Variants in KASH5 observed in about 807,000 individuals in gnomAD.
The protein encoded by KASH5 is KASH domain containing 5, also known as protein KASH5.
A neutral mutation model predicts 84.2 loss-of-function variants in KASH5; 72 were observed. That is an observed-to-expected ratio of 0.85 (90% confidence interval 0.71 to 1.04). KASH5 has a LOEUF of 1.04. Ranked by LOEUF, KASH5 falls within the 50% of genes least tolerant of loss-of-function variation. KASH5 has a pLI of 0.00. For synonymous variants in KASH5, 260 were observed against 279.1 expected, an observed-to-expected ratio of 0.93 and a Z score of 0.68; for missense variants, 650 against 701.0, an observed-to-expected ratio of 0.93 and a Z score of 0.82.
Position 49,414,188 on chromosome 19 carries a change from C to T in KASH5, c.1329-763C>T, listed in dbSNP as rs1600956777. On this transcript the variant is annotated intron_variant, in intron 16 of 19. Transcript: ENST00000447857. This position sits in a 1 kb window ranked among gnomAD's most constrained non-coding sequence, Gnocchi z 4.5. ...CCAGATCTCCTCCTAGACCGAGACT[C>T]GCTGAGGGAAGGGTCAGGTCTCATC... is the stretch of plus-strand genomic sequence containing the variant. 1.3e-5 allele frequency among the ~76,000 whole-genome samples: 2 copies of T among 152,112 alleles called. No individual in the cohort carries two copies. The highest frequency in any genetic ancestry group is 1.9e-4 in the East Asian group (1 of 5,180).
chr19:49,398,272 C>T (rs1419456523), intron 7 of KASH5, 129 bp downstream of exon 7: 12 of 785,270 alleles, frequency 1.5e-5, no homozygotes, highest in South Asian at 4.2e-5. Flanking sequence ...TTTCTTTTCC[C>T]TTTTCTGTTT....
At chr19:49,409,435 C>T (rs555016386) in intron 14 of KASH5, among the ~76,000 whole-genome samples, 152 bp downstream of exon 14, 172 of 152,316 alleles carry the variant, frequency 1.1e-3, no homozygotes, top group African/African-American at 4.0e-3. Flanking sequence ...CTCTCTCTAC[C>T]TCGGATCCTA....
At position 49,395,817 on chromosome 19, in the gene KASH5, C is replaced by A; in HGVS notation, c.384C>A (p.Ser128=). ...CCGCCTTCCAGGGAGCCCTGACCTC[C>A]CGGCAACTGCCATCTGGTGAGATTG... ...EETAFQGALT[S]RQLPSGCPEA... is the part of the protein sequence containing the mutation. The change falls in exon 5 of 20, where the codon TCC becomes TCA. Residue 128 remains serine (S), a synonymous_variant. Coordinates refer to ENST00000447857, the MANE Select transcript of KASH5 (RefSeq NM_144688.5). This position sits in a 1 kb window ranked among gnomAD's most constrained non-coding sequence, Gnocchi z 4.4. 6.4e-7 allele frequency: 1 copy of A among 1,564,074 alleles called. No individual in the cohort carries two copies. The highest frequency in any genetic ancestry group is 8.7e-7 in the Non-Finnish European group (1 of 1,154,182).
At chr19:49,407,446 C>A in intron 11 of KASH5, 150 bp downstream of exon 11, 1 of 1,102,912 alleles carries the variant, frequency 9.1e-7, no homozygotes, top group Non-Finnish European at 1.3e-6. Context: ...CAAGTGTGAC[C>A]CCTCAGGGAT....
At chr19:49,397,315 C>T (rs940183330) in intron 5 of KASH5, among the ~76,000 whole-genome samples, 2 of 152,016 alleles carry the variant, frequency 1.3e-5, no homozygotes, top group African/African-American at 4.8e-5. Context: ...AGTCTGGGCT[C>T]TGCTGGACTG....
chr19:49,394,336 T>C, intron 2 of KASH5, 140 bp from the exon 3 acceptor site: 1 of 623,964 alleles, frequency 1.6e-6, no homozygotes, highest in South Asian at 1.9e-5. Flanking sequence ...AGCTTCCTGC[T>C]GTTCCCCACC....
At position 49,395,735 on chromosome 19, in the gene KASH5, C is replaced by T. The variant is rs369442284; in HGVS notation, c.336-34C>T. ...GCTGGTGAGGACTGAGGGGCAGCTACAGTGGGGCGCTAAGCCTCATCCCTT... is the reference window on the plus strand; with the variant it reads ...GCTGGTGAGGACTGAGGGGCAGCTATAGTGGGGCGCTAAGCCTCATCCCTT... On this transcript the variant is annotated intron_variant, in intron 4 of 19. Transcript: ENST00000447857. The surrounding 1 kb of genome is among the most constrained non-coding windows in gnomAD (Gnocchi z 4.4). 2.6e-6 allele frequency: 4 copies of T among 1,547,722 alleles called. No individual in the cohort carries two copies. In the African/African-American group the frequency reaches 4.1e-5, roughly 16 times the overall value.
At position 49,395,357 on chromosome 19, in the gene KASH5, T is replaced by TA. The variant is rs1974141022; in HGVS notation, c.335+66dup. 1 of 1,532,474 alleles carries TA rather than the reference T, an allele frequency of 6.5e-7. No individual in the cohort carries two copies. The highest frequency in any genetic ancestry group is 1.4e-5 in the African/African-American group (1 of 71,978). 94.9% of individuals were successfully genotyped at this position (1,532,474 alleles called of 1,614,324 possible). A position where few individuals can be genotyped will look rare whatever the true frequency, so the allele number is the denominator to read the frequency against. ...CCTAAGATCTAACCTCATACCTGCT[T>TA]ACTGGAGCCAGCATCCTTTAGGCCC... is the stretch of plus-strand genomic sequence containing the variant. On this transcript the variant is annotated intron_variant, in intron 4 of 19. Coordinates refer to ENST00000447857, the MANE Select transcript of KASH5 (RefSeq NM_144688.5). The surrounding 1 kb of genome is among the most constrained non-coding windows in gnomAD (Gnocchi z 4.4).
At chr19:49,407,425 TC>T in intron 11 of KASH5, 129 bp downstream of exon 11, 4 of 1,162,354 alleles carry the variant, frequency 3.4e-6, no homozygotes, top group Non-Finnish European at 3.7e-6. Context: ...CTGGAGGGTT[TC>T]CCCAGGTCCC....
intron 5 of KASH5, among the ~76,000 whole-genome samples, chr19:49,397,080 G>A (rs58052461): frequency 0.2 from 30,681 of 151,534 alleles, 3,468 homozygotes; most frequent in Non-Finnish European, 0.25. Flanking sequence ...AAAAATGGTG[G>A]TCATGTTCCA....
At chr19:49,407,754 G>A (rs920387022) in intron 12 of KASH5, 83 bp downstream of exon 12, 14 of 1,385,242 alleles carry the variant, frequency 1.0e-5, no homozygotes, top group East Asian at 5.0e-5. Flanking sequence ...TCTCCTCCTC[G>A]TGCCTCTTTG....
rs781236026 is a variant in KASH5 at position 49,417,376 on chromosome 19, C to T, written c.1555C>T (p.Arg519Ter). The change falls in exon 20 of 20, where the codon CGA becomes TGA. Residue 519 changes from arginine to a stop codon, truncating the protein, a stop_gained. Transcript: ENST00000447857. LOFTEE classifies it high-confidence loss of function. This position sits in a 1 kb window ranked among gnomAD's most constrained non-coding sequence, Gnocchi z 5.2. Reference protein sequence around the residue: ...CLPPQRLRVTRHPLIPAPVLG... With the variant: ...CLPPQRLRVT The stretch of plus-strand genomic sequence containing the variant: ...CTCCCACCTCCCCACCAGAGTCACT[C>T]GACATCCACTGATCCCAGCTCCTGT... 16 of 1,552,536 alleles carry T rather than the reference C, an allele frequency of 1.0e-5. No individual in the cohort carries two copies. Among genetic ancestry groups the T allele is most frequent in the Non-Finnish European group, 1.4e-5 (16 of 1,147,184 alleles).
chr19:49,403,998 T>G (rs8113620), intron 9 of KASH5, among the ~76,000 whole-genome samples: 96,171 of 152,146 alleles, frequency 0.63, 32,047 homozygotes, highest in African/African-American at 0.86. Flanking sequence ...TACAGAGCTG[T>G]CTCAGGTTAC....
At chr19:49,402,669 C>T (rs936991237) in intron 9 of KASH5, among the ~76,000 whole-genome samples, 7 of 151,896 alleles carry the variant, frequency 4.6e-5, no homozygotes, top group Admixed American at 1.3e-4. Flanking sequence ...ATTGTGCCAC[C>T]GCATTCTAGC....
chr19:49,405,321 A>G (rs1203831983), intron 9 of KASH5, among the ~76,000 whole-genome samples: 3 of 151,850 alleles, frequency 2.0e-5, no homozygotes, highest in African/African-American at 7.2e-5. Context: ...GCCAGGTGTG[A>G]TGGCGTGTGC....
chr19:49,402,101 G>T (rs1974379362), intron 9 of KASH5, among the ~76,000 whole-genome samples: 1 of 151,890 alleles, frequency 6.6e-6, no homozygotes. Flanking sequence ...AATCAGCCGG[G>T]TGTGGTGGCA....
At position 49,417,028 on chromosome 19, in the gene KASH5, T is replaced by C. The variant is rs1339151124; in HGVS notation, c.1388T>C (p.Val463Ala). 6.3e-7 allele frequency: 1 copy of C among 1,590,474 alleles called. No individual in the cohort carries two copies. Among genetic ancestry groups the C allele is most frequent in the Admixed American group, 1.8e-5 (1 of 56,638 alleles). Residue 463 changes from valine to alanine, a missense_variant, in exon 18 of 20, where the codon GTC becomes GCC. Physicochemically the swap from Val to Ala is moderately conservative, Grantham distance 64. Transcript: ENST00000447857. The surrounding 1 kb of genome is among the most constrained non-coding windows in gnomAD (Gnocchi z 5.2). ...AESQVTADLP[V>A]PLGAPRPGDI... The stretch of plus-strand genomic sequence containing the variant: ...CTGTCCTTGCAGGCTGATCTCCCTG[T>C]CCCTCTAGGAGCCCCTCGCCCTGGA...
At chr19:49,400,721 A>G (rs574863001) in intron 9 of KASH5, among the ~76,000 whole-genome samples, 7 of 152,170 alleles carry the variant, frequency 4.6e-5, no homozygotes, top group Non-Finnish European at 8.8e-5. Context: ...GAAGAAGGGT[A>G]TCTGTTCAGT....
intron 9 of KASH5, among the ~76,000 whole-genome samples, chr19:49,402,007 C>T (rs549590144): frequency 1.6e-4 from 24 of 151,892 alleles, no homozygotes; most frequent in Non-Finnish European, 3.2e-4. Context: ...TTTGGGAGGC[C>T]GAGGTGGGTG....
Sources: gnomAD v4.1 joint callset for allele counts (sites outside exome capture counted in the v4.1 genomes callset) on GRCh38, gnomAD v4.1.1 for gene constraint, Gnocchi (gnomAD v3.1) non-coding constraint, MANE v1.5 for transcripts, NCBI Gene and HGNC (gene_info 2026-07-23, HGNC 2026-07-21) for gene names.